SYNE1: variants seen among roughly 807,000 people sequenced by gnomAD.
The protein encoded by SYNE1 is nesprin-1.
SYNE1 carries 616 observed loss-of-function variants against 1,111.0 expected under a neutral mutation model. That is an observed-to-expected ratio of 0.55 (90% CI 0.52 to 0.59). The LOEUF is 0.59. Ranked by LOEUF, SYNE1 falls within the 20% of genes least tolerant of loss-of-function variation. The pLI, the probability that SYNE1 is intolerant of heterozygous loss-of-function variation, is 0.00. For synonymous variants in SYNE1, 3,855 were observed against 3,825.8 expected (o/e 1.01, Z -0.28); for missense variants, 10,006 against 10,417.0 (o/e 0.96, Z 1.72).
intron 3 of SYNE1, among the ~76,000 whole-genome samples, chr6:152,609,432 A>G (rs1400225541): frequency 6.6e-6 from 1 of 152,132 alleles, no homozygotes. Flanking sequence ...AGTGTTCGCC[A>G]TTGCTGAGGC....
rs1049611075 is a variant in SYNE1 at position 152,387,132 on chromosome 6, G to C, written c.8427C>G (p.Phe2809Leu). Reference sequence around the variant, plus strand: ...TCAGCTCCTCTTGAGCTGTGTCCTTGAAAGACTCATCCTCTGTCTTTTCGT... The same window carrying C: ...TCAGCTCCTCTTGAGCTGTGTCCTTCAAAGACTCATCCTCTGTCTTTTCGT... ...ELYEKTEDES[F>L]KDTAQEELKT... Residue 2809 changes from phenylalanine to leucine, a missense_variant, in exon 54 of 146, where the codon TTC becomes TTG. By Grantham distance (22) the Phe-to-Leu change is conservative. Coordinates refer to ENST00000367255, the MANE Select transcript of SYNE1 (RefSeq NM_182961.4). The C allele has an allele frequency of 3.7e-6, 6 of 1,614,048 alleles. No individual in the cohort carries two copies.
chr6:152,223,652 G>C (rs2080784393), intron 117 of SYNE1, among the ~76,000 whole-genome samples: 1 of 151,914 alleles, frequency 6.6e-6, no homozygotes, highest in Non-Finnish European at 1.5e-5. Context: ...GAAGGAGAGG[G>C]GAAGGGAGGG....
At chr6:152,429,848 A>C (rs113700386) in intron 36 of SYNE1, among the ~76,000 whole-genome samples, 3 of 152,236 alleles carry the variant, frequency 2.0e-5, no homozygotes, top group African/African-American at 7.2e-5. Context: ...CTAAGCTCTA[A>C]AAATGTTACT....
chr6:152,352,005 T>G (rs1228991181), intron 70 of SYNE1, 22 bp downstream of exon 70: 3 of 1,609,278 alleles, frequency 1.9e-6, no homozygotes, highest in African/African-American at 1.3e-5. Flanking sequence ...TGCATGCATC[T>G]GTCAATGAGT....
At chr6:152,240,423 C>T (rs780463192) in intron 107 of SYNE1, among the ~76,000 whole-genome samples, 11 of 152,142 alleles carry the variant, frequency 7.2e-5, no homozygotes, top group Non-Finnish European at 1.3e-4. Flanking sequence ...GCTTTATATG[C>T]ACTGATTGAT....
At chr6:152,174,828 C>T (rs2066007543) in intron 130 of SYNE1, among the ~76,000 whole-genome samples, 1 of 152,196 alleles carries the variant, frequency 6.6e-6, no homozygotes, top group Admixed American at 6.5e-5. Context: ...GCCTATGAAA[C>T]CCGTAGCATG....
chr6:152,428,856 G>A (rs751680180), intron 36 of SYNE1, among the ~76,000 whole-genome samples: 3 of 151,918 alleles, frequency 2.0e-5, no homozygotes, highest in South Asian at 2.1e-4. Context: ...AATCAAAAAC[G>A]AAAATGGAGA....
intron 42 of SYNE1, among the ~76,000 whole-genome samples, chr6:152,411,282 T>C (rs1366470177): frequency 1.3e-5 from 2 of 152,226 alleles, no homozygotes; most frequent in African/African-American, 4.8e-5. Context: ...TCCTTCAGCC[T>C]GTACCACACT....
intron 145 of SYNE1, chr6:152,128,990 T>G (rs2054503272): frequency 6.6e-6 from 1 of 152,264 alleles, no homozygotes. Context: ...CAGTCCCACC[T>G]GAGTAGCAAA....
At position 152,399,777 on chromosome 6, in the gene SYNE1, G is replaced by T. The variant is rs142747430; in HGVS notation, c.7076C>A (p.Thr2359Asn). 218 of 1,614,138 alleles carry T rather than the reference G, an allele frequency of 1.4e-4. 1 individual carries two copies. In the Middle Eastern group the frequency reaches 8.7e-3, roughly 65 times the overall value. Residue 2359 changes from threonine (T) to asparagine (N), a missense_variant, in exon 48 of 146, where the codon ACC (threonine) becomes AAC (asparagine). By Grantham distance (65) the Thr-to-Asn change is moderately conservative. This residue lies in a region of SYNE1 where 4,955 missense variants were observed against 5,017.2 expected (regional missense o/e 0.99). Transcript: ENST00000367255. Reference protein sequence around the residue: ...LQSQQSNISSTQENLNSLCRK... With the variant: ...LQSQQSNISSNQENLNSLCRK... ...GCACAAGCTATTGAGATTTTCTTGG[G>T]TAGAGCTGATGTTGCTTTGTTGACT...
chr6:152,542,920 C>T (rs1363127805), intron 3 of SYNE1, among the ~76,000 whole-genome samples: 1 of 152,054 alleles, frequency 6.6e-6, no homozygotes, highest in East Asian at 1.9e-4. Context: ...AAATTGTTTA[C>T]ACTCAACTTG....
At position 152,141,220 on chromosome 6, in the gene SYNE1, G is replaced by A. The variant is rs2058481714; in HGVS notation, c.25229C>T (p.Thr8410Ile). The A allele has an allele frequency of 6.2e-7, 1 of 1,614,126 alleles. No homozygotes were observed. The highest frequency in any genetic ancestry group is 8.5e-7 in the Non-Finnish European group (1 of 1,180,030). ...GCACTCACCAGCCGTTTGGGTTTCGGTACTATGCAGGTTAACAAAGCCAGG... is the reference window on the plus strand; with the variant it reads ...GCACTCACCAGCCGTTTGGGTTTCGATACTATGCAGGTTAACAAAGCCAGG... ...SLPGFVNLHS[T>I]ETQTAGVIDR... Residue 8410 changes from threonine to isoleucine, a missense_variant, in exon 139 of 146, where the codon ACC (threonine) becomes ATC (isoleucine). Physicochemically the swap from Thr to Ile is moderately conservative, Grantham distance 89. This residue lies in a region of SYNE1 where 761 missense variants were observed against 795.5 expected (regional missense o/e 0.96). Transcript: ENST00000367255.
intron 4 of SYNE1, among the ~76,000 whole-genome samples, chr6:152,528,476 C>T (rs926499273): frequency 1.3e-5 from 2 of 152,156 alleles, no homozygotes; most frequent in Non-Finnish European, 2.9e-5. Flanking sequence ...ACTATGATGA[C>T]TACCTCACAT....
rs1203405707 is a variant in SYNE1, at chr6:152,502,499, G to A, written c.888+134C>T. 6.1e-5 allele frequency: 45 copies of A among 739,002 alleles called. No homozygotes were observed. The Admixed American group carries it at 9.0e-4, about 15-fold the overall frequency. The allele number at this position is 739,002 out of a possible 1,614,324, so 45.8% of individuals were successfully genotyped here. A position where few individuals can be genotyped will look rare whatever the true frequency, so the allele number is the denominator to read the frequency against. On this transcript the variant is annotated intron_variant, in intron 10 of 145. Transcript: ENST00000367255. ...TTTCCTCTAATCATCACCCCATTTG[G>A]TGATAGCTTTTTAAAATCAGTTGGT...
At chr6:152,618,746 C>G (rs1173251750) in intron 3 of SYNE1, among the ~76,000 whole-genome samples, 1 of 152,082 alleles carries the variant, frequency 6.6e-6, no homozygotes, top group Non-Finnish European at 1.5e-5. Context: ...CAAAATAATT[C>G]AAAATTGTAC....
Position 152,390,294 on chromosome 6 carries a change from G to A in SYNE1, c.8163C>T (p.Ser2721=), listed in dbSNP as rs58905396. Residue 2721 remains serine, a synonymous_variant, in exon 53 of 146, where the codon TCC becomes TCT. Transcript: ENST00000367255. The stretch of plus-strand genomic sequence containing the variant: ...AGGTTCTGTACCTTTGAGCGTGGAC[G>A]GAGGAGCTCATGATGTCAGCCCACA... The part of the protein sequence containing the change: ...KEVWADIMSS[S]VHAQSTLESV... 15,708 of 1,613,880 alleles carry A rather than the reference G, an allele frequency of 9.7e-3. 1,265 individuals are homozygous for A. In the African/African-American group the frequency reaches 0.18, roughly 18 times the overall value.
intron 75 of SYNE1, among the ~76,000 whole-genome samples, chr6:152,338,341 G>C (rs1436517701): frequency 6.6e-6 from 1 of 152,040 alleles, no homozygotes; most frequent in Non-Finnish European, 1.5e-5. Flanking sequence ...TCAAGTGTGG[G>C]CCAGGCGTGG....
chr6:152,419,173 G>A (rs1443767497), intron 40 of SYNE1, among the ~76,000 whole-genome samples: 1 of 152,128 alleles, frequency 6.6e-6, no homozygotes, highest in Non-Finnish European at 1.5e-5. Flanking sequence ...AGGGAAATAA[G>A]CTTTAAATCA....
At chr6:152,469,869 C>G (rs2098795505) in intron 16 of SYNE1, among the ~76,000 whole-genome samples, 1 of 152,096 alleles carries the variant, frequency 6.6e-6, no homozygotes, top group African/African-American at 2.4e-5. Context: ...TGTGAAACCC[C>G]CAGTCTGTAG....
Sources: gnomAD v4.1 joint callset for allele counts (sites outside exome capture counted in the v4.1 genomes callset) on GRCh38, gnomAD v4.1.1 for gene constraint, gnomAD v4.1.1 regional missense constraint, MANE v1.5 for transcripts, NCBI Gene and HGNC (gene_info 2026-07-23, HGNC 2026-07-21) for gene names.